The following PPP2R5E variants were observed in gnomAD, a reference collection of about 807,000 sequenced individuals.
The protein encoded by PPP2R5E is serine/threonine-protein phosphatase 2A 56 kDa regulatory subunit epsilon isoform.
In PPP2R5E, 4 loss-of-function variants were observed where a neutral mutation model predicts 65.3. That is an observed-to-expected ratio of 0.06 (90% confidence interval 0.03 to 0.14). PPP2R5E has a LOEUF of 0.14. Among genes scored for constraint, PPP2R5E ranks in the 10% least tolerant of loss-of-function variants. PPP2R5E has a pLI of 1.00. For missense variants in PPP2R5E, 274 were observed against 556.1 expected (o/e 0.49, Z 5.10); for synonymous variants, 183 against 187.4 (o/e 0.98, Z 0.19).
At chr14:63,509,410 A>C (rs1171087586) in intron 2 of PPP2R5E, among the ~76,000 whole-genome samples, 2 of 150,916 alleles carry the variant, frequency 1.3e-5, no homozygotes, top group Non-Finnish European at 2.9e-5. Context: ...AGTAGCTGGG[A>C]TTACAGATAC....
intron 2 of PPP2R5E, among the ~76,000 whole-genome samples, chr14:63,508,693 G>C (rs112854588): frequency 6.6e-6 from 1 of 152,214 alleles, no homozygotes; most frequent in African/African-American, 2.4e-5. Flanking sequence ...CCTTCCTCTC[G>C]TAAGAAGCCA....
At chr14:63,536,869 G>C (rs1216855321) in intron 2 of PPP2R5E, among the ~76,000 whole-genome samples, 1 of 152,144 alleles carries the variant, frequency 6.6e-6, no homozygotes, top group Admixed American at 6.5e-5. Flanking sequence ...AGGGCTGGTG[G>C]GGGAAACAGG....
At chr14:63,525,224 A>T (rs1001376426) in intron 2 of PPP2R5E, among the ~76,000 whole-genome samples, 3 of 152,152 alleles carry the variant, frequency 2.0e-5, no homozygotes, top group Admixed American at 6.6e-5. Flanking sequence ...AAACAACCTG[A>T]CTTTCTCCTC....
chr14:63,372,798 G>A lies in PPP2R5E; in HGVS notation c.*3211C>T, dbSNP rs1357531400. ...AAGCAAGTCCTGGCTCTGCACCCTGGACTATCCCACGCATAGGAGGTACAA... is the reference window on the plus strand; with the variant it reads ...AAGCAAGTCCTGGCTCTGCACCCTGAACTATCCCACGCATAGGAGGTACAA... On this transcript the variant is annotated 3_prime_UTR_variant, in exon 14 of 14. Coordinates refer to ENST00000337537, the MANE Select transcript of PPP2R5E (RefSeq NM_006246.5). 3 of 152,072 alleles carry A rather than the reference G, an allele frequency of 2.0e-5. No individual in the cohort carries two copies. Among genetic ancestry groups the A allele is most frequent in the Non-Finnish European group, 4.4e-5 (3 of 68,004 alleles). The allele number at this position is 152,072 out of a possible 1,614,324, so 9.4% of individuals were successfully genotyped here.
In PPP2R5E at chr14:63,396,866, C is replaced by T. The variant is rs117404114; in HGVS notation, c.550-150G>A. Reference sequence around the variant, plus strand: ...GCACAGTGCTAGTCTTTGGGCATATCATGATAAACAAGTCAGACAAGGAGC... The same window carrying T: ...GCACAGTGCTAGTCTTTGGGCATATTATGATAAACAAGTCAGACAAGGAGC... On this transcript the variant is annotated intron_variant, in intron 5 of 13. Coordinates refer to ENST00000337537, the MANE Select transcript of PPP2R5E (RefSeq NM_006246.5). 4.4e-3 allele frequency: 3,805 copies of T among 872,854 alleles called. 15 individuals are homozygous for T. The highest frequency in any genetic ancestry group is 0.021 in the Middle Eastern group (90 of 4,246). The allele number at this position is 872,854 out of a possible 1,614,324, so 54.1% of individuals were successfully genotyped here.
At chr14:63,541,715 C>A (rs8021183) in intron 1 of PPP2R5E, among the ~76,000 whole-genome samples, 2 of 151,916 alleles carry the variant, frequency 1.3e-5, no homozygotes, top group African/African-American at 4.8e-5. Flanking sequence ...AAAAAGTTAC[C>A]TGGATTACGT....
At chr14:63,436,576 A>G (rs1887963573) in intron 3 of PPP2R5E, among the ~76,000 whole-genome samples, 1 of 152,216 alleles carries the variant, frequency 6.6e-6, no homozygotes, top group South Asian at 2.1e-4. Flanking sequence ...CATATTTAGC[A>G]CATATAACCA....
chr14:63,442,052 T>A (rs1194695696), intron 3 of PPP2R5E, among the ~76,000 whole-genome samples: 3 of 152,150 alleles, frequency 2.0e-5, no homozygotes, highest in African/African-American at 7.2e-5. Context: ...ATTAGCACAG[T>A]TAAATTGTGG....
chr14:63,472,639 G>A (rs1890188048), intron 2 of PPP2R5E, among the ~76,000 whole-genome samples: 2 of 152,194 alleles, frequency 1.3e-5, no homozygotes, highest in African/African-American at 4.8e-5. Context: ...CAGAAAGGAA[G>A]CATGAATAGA....
At chr14:63,427,281 C>T (rs1887392009) in intron 3 of PPP2R5E, among the ~76,000 whole-genome samples, 1 of 152,084 alleles carries the variant, frequency 6.6e-6, no homozygotes, top group South Asian at 2.1e-4. Flanking sequence ...TAGCCCTACA[C>T]CTCCTATTTT....
intron 3 of PPP2R5E, among the ~76,000 whole-genome samples, chr14:63,429,675 G>GT (rs1246016182): frequency 6.7e-6 from 1 of 150,118 alleles, no homozygotes; most frequent in East Asian, 1.9e-4. Flanking sequence ...GTTTGTTTTT[G>GT]TTTTTTGTTT....
chr14:63,510,416 C>A (rs1892403365), intron 2 of PPP2R5E, among the ~76,000 whole-genome samples: 1 of 152,208 alleles, frequency 6.6e-6, no homozygotes, highest in Non-Finnish European at 1.5e-5. Context: ...AGCATGCAGT[C>A]TAACTGAAGG....
intron 12 of PPP2R5E, among the ~76,000 whole-genome samples, chr14:63,383,052 C>G (rs1884460575): frequency 6.6e-6 from 1 of 152,076 alleles, no homozygotes; most frequent in Admixed American, 6.5e-5. Flanking sequence ...AAAATATATG[C>G]TGATAACTGG....
chr14:63,498,641 G>T (rs956453417), intron 2 of PPP2R5E, among the ~76,000 whole-genome samples: 1 of 151,772 alleles, frequency 6.6e-6, no homozygotes, highest in Admixed American at 6.6e-5. Context: ...TACTGCAGCC[G>T]CGACTTCCCC....
intron 3 of PPP2R5E, among the ~76,000 whole-genome samples, chr14:63,430,808 T>C (rs1401171663): frequency 7.2e-5 from 11 of 152,232 alleles, no homozygotes; most frequent in Admixed American, 5.2e-4. Flanking sequence ...AATAATTTGT[T>C]TCTAAAGCCA....
At position 63,494,023 on chromosome 14, in the gene PPP2R5E, A is replaced by G. The variant is rs891592838; in HGVS notation, c.158-40138T>C. Among the ~76,000 whole-genome samples, 3 of 152,106 alleles carry G rather than the reference A, an allele frequency of 2.0e-5. No homozygotes were observed. In the South Asian group the frequency reaches 6.2e-4, roughly 32 times the overall value. On this transcript the variant is annotated intron_variant, in intron 2 of 13. Coordinates refer to ENST00000337537, the MANE Select transcript of PPP2R5E (RefSeq NM_006246.5). ...TAAAGCAATTTAGCAGCACCTACCA[A>G]GGCTTTTATTTTTTACCCAGAATTC...
intron 2 of PPP2R5E, among the ~76,000 whole-genome samples, chr14:63,532,705 C>A (rs771573792): frequency 6.6e-6 from 1 of 152,216 alleles, no homozygotes; most frequent in Non-Finnish European, 1.5e-5. Context: ...AAGCTTTCAG[C>A]AGTTAACGCA....
chr14:63,384,990 T>C lies in PPP2R5E; in HGVS notation c.1075-419A>G, dbSNP rs911940945. Among the ~76,000 whole-genome samples the C allele has an allele frequency of 4.6e-5, 7 of 151,158 alleles. No individual in the cohort carries two copies. The East Asian group carries it at 6.0e-4, about 13-fold the overall frequency. On this transcript the variant is annotated intron_variant, in intron 11 of 13. Coordinates refer to ENST00000337537, the MANE Select transcript of PPP2R5E (RefSeq NM_006246.5). ...GATTACAGGCGTGAACCACCGTGCC[T>C]GGCCCACATTTTAAATGTTTGTGGA...
Position 63,539,433 on chromosome 14 carries a change from A to C in PPP2R5E, c.157+96T>G, listed in dbSNP as rs1594986168. On this transcript the variant is annotated intron_variant, in intron 2 of 13. Transcript: ENST00000337537. ...GTATGTGAAGTATCCCATCCCTTCA[A>C]TTTGCAACACATATAAAACTCTACA... 3 of 1,346,046 alleles carry C rather than the reference A, an allele frequency of 2.2e-6. No homozygotes were observed. In the East Asian group the frequency reaches 7.1e-5, roughly 32 times the overall value. 83.4% of individuals were successfully genotyped at this position (1,346,046 alleles called of 1,614,324 possible). A position where few individuals can be genotyped will look rare whatever the true frequency, so the allele number is the denominator to read the frequency against.
Sources: gnomAD v4.1 joint callset for allele counts (sites outside exome capture counted in the v4.1 genomes callset) on GRCh38, gnomAD v4.1.1 for gene constraint, MANE v1.5 for transcripts, NCBI Gene and HGNC (gene_info 2026-07-23, HGNC 2026-07-21) for gene names.